The following ARL17A variants were observed in gnomAD, a reference collection of about 807,000 sequenced individuals.
The protein encoded by ARL17A is ARF like GTPase 17A.
chr17:46,516,123 A>T (rs1391574748), downstream of ARL17A, among the ~76,000 whole-genome samples: 2 of 146,990 alleles, frequency 1.4e-5, no homozygotes, highest in Non-Finnish European at 3.0e-5. Flanking sequence ...ACATGGTGAA[A>T]CCCCATCTCT....
chr17:46,526,435 C>T (rs1278492368), downstream of ARL17A, among the ~76,000 whole-genome samples: 50 of 102,946 alleles, frequency 4.9e-4, no homozygotes, highest in Admixed American at 4.3e-3. Flanking sequence ...ATGAATAGAG[C>T]CTAACCTTCC....
intron 4 of ARL17A, among the ~76,000 whole-genome samples, chr17:46,534,436 A>T (rs563405893): frequency 6.7e-6 from 1 of 148,812 alleles, no homozygotes; most frequent in Non-Finnish European, 1.5e-5. Flanking sequence ...CTGTTTAACA[A>T]AGCACATCTT....
Position 46,532,308 on chromosome 17 carries a change from T to G in ARL17A, c.336-3449A>C. Among the ~76,000 whole-genome samples, 2 of 150,270 alleles carry G rather than the reference T, an allele frequency of 1.3e-5. 1 individual carries two copies. The highest frequency in any genetic ancestry group is 2.9e-5 in the Non-Finnish European group (2 of 67,970). ...GCTTCATGTTTACAGAATACTCCGT[T>G]GAATTTGGTTTGCCAGATTTTGTCA... is the stretch of plus-strand genomic sequence containing the variant. On this transcript the variant is annotated intron_variant, in intron 4 of 4. Coordinates refer to the ARL17A transcript ENST00000329240.
chr17:46,558,924 C>T (rs1202780451), intron 3 of ARL17A: 15 of 111,644 alleles, frequency 1.3e-4, no homozygotes, highest in African/African-American at 1.2e-4. Context: ...GTGATCCTCC[C>T]GCCTTGGTCT....
At chr17:46,541,209 A>G (rs2055247066) in intron 3 of ARL17A, among the ~76,000 whole-genome samples, 1 of 148,512 alleles carries the variant, frequency 6.7e-6, no homozygotes, top group Non-Finnish European at 1.5e-5. Flanking sequence ...ATGAAATCAT[A>G]TAGCACATAG....
intron 3 of ARL17A, among the ~76,000 whole-genome samples, chr17:46,568,772 G>A (rs1205158799): frequency 2.2e-5 from 2 of 89,510 alleles, no homozygotes; most frequent in East Asian, 3.1e-4. Context: ...GCCACTGCAC[G>A]AGACCCTGTC....
chr17:46,500,802 T>A, the ARL17A span, among the ~76,000 whole-genome samples: 5 of 151,194 alleles, frequency 3.3e-5, no homozygotes, highest in East Asian at 5.8e-4. Flanking sequence ...CATCTGGATC[T>A]TAGGGGAAAT....
chr17:46,558,350 G>A (rs1186247445), intron 3 of ARL17A, among the ~76,000 whole-genome samples: 4 of 109,514 alleles, frequency 3.7e-5, no homozygotes, highest in Non-Finnish European at 7.2e-5. Flanking sequence ...GCGAGCTACC[G>A]CGCCTGGCTT....
At chr17:46,542,747 G>A (rs1401017100) in intron 3 of ARL17A, among the ~76,000 whole-genome samples, 1 of 150,256 alleles carries the variant, frequency 6.7e-6, no homozygotes, top group African/African-American at 2.5e-5. Context: ...ATGTATGCCT[G>A]CGGGGCCCTA....
chr17:46,542,705 ATATT>A (rs1157031971), intron 3 of ARL17A, among the ~76,000 whole-genome samples: 1 of 149,992 alleles, frequency 6.7e-6, no homozygotes, highest in Non-Finnish European at 1.5e-5. Flanking sequence ...AAATATATAT[ATATT>A]TATATATATG....
chr17:46,569,471 G>A (rs1411598108), intron 3 of ARL17A, among the ~76,000 whole-genome samples: 2 of 148,016 alleles, frequency 1.4e-5, no homozygotes, highest in Non-Finnish European at 3.0e-5. Context: ...GGGTACATGG[G>A]GGTTCGTTAT....
the ARL17A span, among the ~76,000 whole-genome samples, chr17:46,500,607 G>A: frequency 6.6e-6 from 1 of 150,848 alleles, no homozygotes; most frequent in Non-Finnish European, 1.5e-5. Context: ...TCCTGATTTA[G>A]TAGGCCTGGG....
At chr17:46,541,408 C>T (rs1912810) in intron 3 of ARL17A, among the ~76,000 whole-genome samples, 1 of 148,276 alleles carries the variant, frequency 6.7e-6, no homozygotes, top group East Asian at 2.0e-4. Flanking sequence ...CATGCCACCA[C>T]ACCTGGCTAA....
chr17:46,534,186 T>G (rs1298493553), intron 4 of ARL17A, among the ~76,000 whole-genome samples: 1 of 149,030 alleles, frequency 6.7e-6, no homozygotes, highest in East Asian at 2.0e-4. Flanking sequence ...GTTTTTTTTG[T>G]TTTTGTTTTT....
chr17:46,541,852 TG>T (rs1423747344), intron 3 of ARL17A, among the ~76,000 whole-genome samples: 1 of 150,822 alleles, frequency 6.6e-6, no homozygotes, highest in Non-Finnish European at 1.5e-5. Flanking sequence ...CTGTGGACTT[TG>T]GTATCTGCAG....
At chr17:46,502,290 T>C in the ARL17A span, among the ~76,000 whole-genome samples, 1 of 151,074 alleles carries the variant, frequency 6.6e-6, no homozygotes, top group African/African-American at 2.5e-5. Context: ...ACCCCCACTG[T>C]TATCTAGTTT....
intron 4 of ARL17A, among the ~76,000 whole-genome samples, chr17:46,534,815 C>T (rs1316370544): frequency 2.0e-5 from 3 of 147,296 alleles, no homozygotes; most frequent in African/African-American, 5.3e-5. Flanking sequence ...GGCGGCTGGC[C>T]AGGCGGGGGC....
At position 46,533,413 on chromosome 17, in the gene ARL17A, T is replaced by G. The variant is rs1431697387; in HGVS notation, c.336-4554A>C. Among the ~76,000 whole-genome samples, 3 of 124,968 alleles carry G rather than the reference T, an allele frequency of 2.4e-5. No individual in the cohort carries two copies. In the East Asian group the frequency reaches 6.8e-4, roughly 28 times the overall value. The allele number at this position is 124,968 out of a possible 152,430, so 82.0% of individuals were successfully genotyped here. Reference sequence around the variant, plus strand: ...TCCACTCTCACCCCCTCCTTTATACTGTTATTGTCACACATTACATCTTTA... The same window carrying G: ...TCCACTCTCACCCCCTCCTTTATACGGTTATTGTCACACATTACATCTTTA... On this transcript the variant is annotated intron_variant, in intron 4 of 4. Coordinates refer to the ARL17A transcript ENST00000329240.
downstream of ARL17A, among the ~76,000 whole-genome samples, chr17:46,525,744 T>C (rs867645444): frequency 0.047 from 3,338 of 70,420 alleles, 24 homozygotes; most frequent in African/African-American, 0.11. Flanking sequence ...ATTCAGAGTG[T>C]CATGTCCATT....
Sources: allele counts gnomAD v4.1 joint callset (sites outside exome capture counted in the v4.1 genomes callset), GRCh38; gene constraint gnomAD v4.1.1; transcripts MANE v1.5; gene names NCBI Gene and HGNC (gene_info 2026-07-23, HGNC 2026-07-21).